Variants in SLC26A8 observed in about 807,000 individuals in gnomAD.
SLC26A8 encodes testis anion transporter 1.
A neutral mutation model predicts 105.0 loss-of-function variants in SLC26A8; 70 were observed. The ratio of observed to expected loss-of-function variants is 0.67; its 90% CI spans 0.55 to 0.81. The LOEUF (loss-of-function observed/expected upper bound fraction) is 0.81, where lower values mean the gene tolerates loss of function less well. Among genes scored for constraint, SLC26A8 ranks in the 40% least tolerant of loss-of-function variants. The probability of loss-of-function intolerance (pLI) is 0.00; values close to 1 mark genes in which losing one functional copy is unlikely to be tolerated. For synonymous variants in SLC26A8, 415 were observed against 438.3 expected (o/e 0.95, Z 0.66); for missense variants, 998 against 1,181.8 (o/e 0.84, Z 2.28).
chr6:35,951,119 C>T (rs1477318243), intron 19 of SLC26A8, 44 bp downstream of exon 19: 10 of 1,592,966 alleles, frequency 6.3e-6, no homozygotes, highest in Admixed American at 1.7e-5. Flanking sequence ...CCCCACTGCC[C>T]TCAATCCCTT....
chr6:36,012,177 C>T (rs1004009242), intron 3 of SLC26A8, 56 bp downstream of exon 3: 88 of 1,576,104 alleles, frequency 5.6e-5, no homozygotes, highest in East Asian at 6.8e-5. Context: ...ACCCTGGGCA[C>T]GTGGACAAGG....
At position 35,981,967 on chromosome 6, in the gene SLC26A8, C is replaced by A. The variant is rs185882442; in HGVS notation, c.1025+154G>T. ...CCAGAGAAGACACAAGGAGTTGTCC[C>A]TAGCCCTTCTCCTTTCATGAACCTC... On this transcript the variant is annotated intron_variant, in intron 8 of 19. Coordinates refer to ENST00000490799, the MANE Select transcript of SLC26A8 (RefSeq NM_052961.4). The surrounding 1 kb of genome is among the most constrained non-coding windows in gnomAD (Gnocchi z 4.0). Among the ~76,000 whole-genome samples, 114 of 152,302 alleles carry A rather than the reference C, an allele frequency of 7.5e-4. 2 individuals carry two copies. The highest frequency in any genetic ancestry group is 2.6e-3 in the African/African-American group (108 of 41,558).
rs180701697 is a variant in SLC26A8 at position 36,011,693 on chromosome 6, G to A, written c.328+540C>T. On this transcript the variant is annotated intron_variant, in intron 3 of 19. Transcript: ENST00000490799. The stretch of plus-strand genomic sequence containing the variant: ...TGTGATCACTGCTCACTACAGTCTC[G>A]ACCTCCTGGGCTCAGGTGATCCTCC... 5.3e-5 allele frequency among the ~76,000 whole-genome samples: 8 copies of A among 151,978 alleles called. 1 individual carries two copies. In the East Asian group the frequency reaches 7.7e-4, roughly 15 times the overall value.
At chr6:35,948,652 C>G (rs1257486623) in intron 19 of SLC26A8, among the ~76,000 whole-genome samples, 1 of 152,182 alleles carries the variant, frequency 6.6e-6, no homozygotes, top group African/African-American at 2.4e-5. Context: ...ATGACATCCA[C>G]AACTAAACTA....
chr6:35,961,270 A>G (rs1431424710), intron 12 of SLC26A8, among the ~76,000 whole-genome samples, 171 bp from the exon 13 acceptor site: 1 of 152,216 alleles, frequency 6.6e-6, no homozygotes, highest in Non-Finnish European at 1.5e-5. Context: ...GGGGCCCTCC[A>G]GGATGCCTAG....
At chr6:35,967,282 C>A (rs1445884619) in intron 11 of SLC26A8, among the ~76,000 whole-genome samples, 4 of 152,182 alleles carry the variant, frequency 2.6e-5, no homozygotes, top group Non-Finnish European at 4.4e-5. Flanking sequence ...GGAGGGAGAT[C>A]ACATTTACAA....
intron 11 of SLC26A8, among the ~76,000 whole-genome samples, chr6:35,966,686 T>C (rs1404597473): frequency 2.0e-5 from 3 of 152,208 alleles, no homozygotes; most frequent in Admixed American, 6.5e-5. Context: ...TTTGCAACTG[T>C]TCACAGTTTT....
At chr6:35,974,054 A>T (rs146380771) in intron 10 of SLC26A8, among the ~76,000 whole-genome samples, 6,079 of 152,314 alleles carry the variant, frequency 0.04, 143 homozygotes, top group Middle Eastern at 0.088. Flanking sequence ...CCGGTGGTTC[A>T]TGCCTGTAAT....
intron 5 of SLC26A8, among the ~76,000 whole-genome samples, chr6:35,993,521 G>A (rs2894404): frequency 0.55 from 83,613 of 151,614 alleles, 23,482 homozygotes; most frequent in South Asian, 0.71. Context: ...TATCCTGAAG[G>A]AAAATAAAAA....
chr6:35,993,197 G>GGGGGGT (rs1243178330), intron 5 of SLC26A8, among the ~76,000 whole-genome samples: 1 of 95,762 alleles, frequency 1.0e-5, no homozygotes, highest in Non-Finnish European at 2.2e-5. Flanking sequence ...GGAGGGGGGG[G>GGGGGGT]TCTTGCTATA....
chr6:35,955,339 T>C lies in SLC26A8; in HGVS notation c.2045A>G (p.Glu682Gly). The C allele has an allele frequency of 6.2e-7, 1 of 1,614,166 alleles. No homozygotes were observed. Residue 682 changes from glutamate to glycine, a missense_variant, in exon 17 of 20, where the codon GAA becomes GGA. Glu to Gly is a moderately conservative substitution (Grantham distance 98). Coordinates refer to ENST00000490799, the MANE Select transcript of SLC26A8 (RefSeq NM_052961.4). ...TGATGAGTTATTAGGAAGCCAAACT[T>C]CCTCCACCTCCTCATACTGTTGCCC... ...NQGQQYEEVE[E>G]VWLPNNSSRN...
chr6:36,018,146 G>T (rs1201420302), intron 2 of SLC26A8, among the ~76,000 whole-genome samples: 1 of 152,216 alleles, frequency 6.6e-6, no homozygotes, highest in East Asian at 1.9e-4. Flanking sequence ...ATTTACCACA[G>T]ATTTATGATG....
intron 19 of SLC26A8, among the ~76,000 whole-genome samples, chr6:35,946,138 C>G (rs1771649612): frequency 6.6e-6 from 1 of 152,146 alleles, no homozygotes; most frequent in South Asian, 2.1e-4. Context: ...GCTGATGATT[C>G]TTTGGTTATA....
At chr6:35,951,881 G>C (rs997107449) in intron 17 of SLC26A8, among the ~76,000 whole-genome samples, 1 of 152,066 alleles carries the variant, frequency 6.6e-6, no homozygotes, top group Non-Finnish European at 1.5e-5. Context: ...CAGCCAATTA[G>C]CCGAGTTTTA....
At chr6:36,001,394 C>T (rs556546077) in intron 3 of SLC26A8, among the ~76,000 whole-genome samples, 21 of 152,330 alleles carry the variant, frequency 1.4e-4, no homozygotes, top group African/African-American at 4.8e-4. Context: ...TCCCAAAGTG[C>T]TGGGATTACA....
chr6:35,975,492 T>C lies in SLC26A8; in HGVS notation c.1174-4A>G, dbSNP rs77820058. The C allele has an allele frequency of 2.6e-3, 4,117 of 1,593,922 alleles. 85 individuals are homozygous for C. The African/African-American group carries it at 0.047, about 18-fold the overall frequency. Reference sequence around the variant, plus strand: ...AAAGGCCGATGGCTATTAAATCCTGTAAAGAAACAGCAGATGCTTTAGGCC... The same window carrying C: ...AAAGGCCGATGGCTATTAAATCCTGCAAAGAAACAGCAGATGCTTTAGGCC... On this transcript the variant is annotated splice_region_variant and splice_polypyrimidine_tract_variant and intron_variant, in intron 9 of 19. Coordinates refer to ENST00000490799, the MANE Select transcript of SLC26A8 (RefSeq NM_052961.4).
intron 7 of SLC26A8, among the ~76,000 whole-genome samples, chr6:35,988,847 T>C (rs1052223325): frequency 6.7e-6 from 1 of 150,114 alleles, no homozygotes. Context: ...TACGGTTTTT[T>C]TTTTTTTTTT....
intron 17 of SLC26A8, among the ~76,000 whole-genome samples, chr6:35,952,886 C>T (rs1044099853): frequency 3.3e-5 from 5 of 151,812 alleles, no homozygotes; most frequent in East Asian, 1.9e-4. Flanking sequence ...TGGTGGTGTG[C>T]GCCTGTAGTC....
intron 7 of SLC26A8, chr6:35,990,379 T>C: frequency 4.4e-6 from 1 of 225,932 alleles, no homozygotes; most frequent in Non-Finnish European, 8.6e-6. Context: ...TCCATGAACA[T>C]CATATGTTCC....
Sources: allele counts gnomAD v4.1 joint callset (sites outside exome capture counted in the v4.1 genomes callset), GRCh38; gene constraint gnomAD v4.1.1; non-coding constraint Gnocchi (gnomAD v3.1); transcripts MANE v1.5; gene names NCBI Gene and HGNC (gene_info 2026-07-23, HGNC 2026-07-21).